The following FRAS1 variants were observed in gnomAD, a reference collection of about 807,000 sequenced individuals.
The protein encoded by FRAS1 is extracellular matrix organizing protein FRAS1.
A neutral mutation model predicts 435.2 loss-of-function variants in FRAS1; 290 were observed. That is an observed-to-expected ratio of 0.67 (90% confidence interval 0.61 to 0.73). The LOEUF is 0.73. FRAS1 is among the 30% of genes least tolerant of loss of function. FRAS1 has a pLI of 0.00. For synonymous variants in FRAS1, 1,800 were observed against 1,851.0 expected (o/e 0.97, Z 0.71); for missense variants, 4,860 against 5,001.5 (o/e 0.97, Z 0.85).
rs185695310 is a variant in FRAS1, at chr4:78,078,824, A to C, written c.108+12808A>C. On this transcript the variant is annotated intron_variant, in intron 2 of 73. Coordinates refer to ENST00000512123, the MANE Select transcript of FRAS1 (RefSeq NM_025074.7). ...TTAAGAAGAATTGTTGTTAATAACC[A>C]GGTAAAAACTAAATCAGTAATGGGA... Among the ~76,000 whole-genome samples the C allele has an allele frequency of 2.1e-3, 317 of 152,320 alleles. 1 individual carries two copies. The highest frequency in any genetic ancestry group is 0.01 in the East Asian group (53 of 5,192).
At chr4:78,507,364 C>A in intron 61 of FRAS1, 57 bp from the exon 62 acceptor site, 1 of 1,493,120 alleles carries the variant, frequency 6.7e-7, no homozygotes, top group South Asian at 1.3e-5. Context: ...GCTGCACTCT[C>A]TTGGGTGTGT....
At chr4:78,358,159 A>G (rs1246520209) in intron 20 of FRAS1, among the ~76,000 whole-genome samples, 1 of 144,620 alleles carries the variant, frequency 6.9e-6, no homozygotes, top group Non-Finnish European at 1.5e-5. Flanking sequence ...GCTGAAAATT[A>G]TAGGAGTATA....
At chr4:78,196,978 G>T (rs1479658213) in intron 2 of FRAS1, among the ~76,000 whole-genome samples, 1 of 152,210 alleles carries the variant, frequency 6.6e-6, no homozygotes, top group Non-Finnish European at 1.5e-5. Context: ...AGAGAGAGAA[G>T]TGGAGGGGAG....
Position 78,483,799 on chromosome 4 carries a change from A to ATATATATATATATATATATATAT in FRAS1, c.8752+1264_8752+1265insTATATATATATATATATATATAT, listed in dbSNP as rs1560753038. 2.4e-3 allele frequency among the ~76,000 whole-genome samples: 160 copies of ATATATATATATATATATATATAT among 67,332 alleles called. 15 individuals carry two copies. Among genetic ancestry groups the ATATATATATATATATATATATAT allele is most frequent in the Non-Finnish European group, 3.6e-3 (102 of 28,712 alleles). The allele number at this position is 67,332 out of a possible 152,430, so 44.2% of individuals were successfully genotyped here. A position where few individuals can be genotyped will look rare whatever the true frequency, so the allele number is the denominator to read the frequency against. ...CTCTCTCTCTATATATATATATATAAAATTATGTATGTGTGATACACACAC... is the reference window on the plus strand; with the variant it reads ...CTCTCTCTCTATATATATATATATAATATATATATATATATATATATATAATTATGTATGTGTGATACACACAC... On this transcript the variant is annotated intron_variant, in intron 58 of 73. Transcript: ENST00000512123.
At chr4:78,116,408 C>G (rs1354319881) in intron 2 of FRAS1, among the ~76,000 whole-genome samples, 2 of 152,160 alleles carry the variant, frequency 1.3e-5, no homozygotes, top group African/African-American at 4.8e-5. Flanking sequence ...TCTCGTTGAT[C>G]TGTCTAATGT....
intron 2 of FRAS1, chr4:78,181,252 T>A: frequency 6.2e-6 from 10 of 1,609,584 alleles, no homozygotes; most frequent in South Asian, 1.1e-5. Flanking sequence ...CCTCCTCTTT[T>A]ACCTCTTCAA....
intron 50 of FRAS1, among the ~76,000 whole-genome samples, chr4:78,467,951 T>C (rs2109848730): frequency 6.6e-6 from 1 of 152,342 alleles, no homozygotes; most frequent in Middle Eastern, 3.4e-3. Context: ...GTTGTTTAAG[T>C]TCCTAATATA....
chr4:78,362,001 C>T (rs866336003), intron 20 of FRAS1, among the ~76,000 whole-genome samples: 1 of 152,134 alleles, frequency 6.6e-6, no homozygotes, highest in African/African-American at 2.4e-5. Context: ...TTTTCACCTA[C>T]AAAGGAAGCT....
intron 2 of FRAS1, among the ~76,000 whole-genome samples, chr4:78,170,878 C>T (rs915733805): frequency 1.3e-5 from 2 of 152,024 alleles, no homozygotes; most frequent in African/African-American, 4.8e-5. Context: ...CCTTTGAATT[C>T]CTTTCTCAGG....
rs1172005472 is a variant in FRAS1, at chr4:78,057,951, C to A, written c.-59C>A. On this transcript the variant is annotated 5_prime_UTR_variant, in exon 1 of 74. Transcript: ENST00000512123. The surrounding 1 kb of genome is among the most constrained non-coding windows in gnomAD (Gnocchi z 4.2). ...CCAAGCGCCGGAGCCAGCGTTTTGG[C>A]GGAGCCGCTTCTTGGATGCTGAAGG... 5 of 1,546,256 alleles carry A rather than the reference C, an allele frequency of 3.2e-6. No homozygotes were observed. The highest frequency in any genetic ancestry group is 1.4e-5 in the African/African-American group (1 of 73,396).
intron 2 of FRAS1, among the ~76,000 whole-genome samples, chr4:78,200,482 G>A (rs1723003602): frequency 6.6e-6 from 1 of 152,188 alleles, no homozygotes; most frequent in South Asian, 2.1e-4. Context: ...AGTGAAGAAA[G>A]GATATGCTTC....
chr4:78,317,048 C>T (rs1271529556), intron 16 of FRAS1, among the ~76,000 whole-genome samples: 1 of 152,190 alleles, frequency 6.6e-6, no homozygotes, highest in African/African-American at 2.4e-5. Context: ...ACCTCAGTCT[C>T]CTCATCTATA....
intron 47 of FRAS1, among the ~76,000 whole-genome samples, chr4:78,456,985 C>A (rs1220871758): frequency 6.6e-6 from 1 of 152,210 alleles, no homozygotes; most frequent in Non-Finnish European, 1.5e-5. Context: ...GTGCTTCATT[C>A]AGAAGTTAGG....
chr4:78,421,226 C>T (rs1451451251), intron 33 of FRAS1, among the ~76,000 whole-genome samples: 2 of 152,268 alleles, frequency 1.3e-5, no homozygotes, highest in East Asian at 3.9e-4. Context: ...CAGCTCACTG[C>T]AACCTCCACC....
Position 78,267,304 on chromosome 4 carries a change from T to C in FRAS1, c.853T>C (p.Cys285Arg). Residue 285 changes from cysteine (C) to arginine (R), a missense_variant, in exon 9 of 74, where the codon TGC becomes CGC. Transcript: ENST00000512123. ...CEECVSPAGS[C>R]SYDGVVRYQD... ...GGAATGTGTGTCTCCTGCCGGGAGCTGCTCCTATGATGGAGTTGTGCGGTA... is the reference window on the plus strand; with the variant it reads ...GGAATGTGTGTCTCCTGCCGGGAGCCGCTCCTATGATGGAGTTGTGCGGTA... 1 of 1,613,854 alleles carries C rather than the reference T, an allele frequency of 6.2e-7. No homozygotes were observed. The highest frequency in any genetic ancestry group is 8.5e-7 in the Non-Finnish European group (1 of 1,179,860).
intron 13 of FRAS1, among the ~76,000 whole-genome samples, chr4:78,285,871 C>T (rs1280908664): frequency 6.6e-6 from 1 of 152,138 alleles, no homozygotes; most frequent in African/African-American, 2.4e-5. Context: ...TAAGAGTTAG[C>T]TGCTTTTATT....
At position 78,419,048 on chromosome 4, in the gene FRAS1, C is replaced by A; in HGVS notation, c.4525C>A (p.Leu1509Met). The A allele has an allele frequency of 6.4e-7, 1 of 1,564,118 alleles. No individual in the cohort carries two copies. Among genetic ancestry groups the A allele is most frequent in the Non-Finnish European group, 8.6e-7 (1 of 1,156,074 alleles). Residue 1509 changes from leucine to methionine, a missense_variant, in exon 33 of 74, where the codon CTG (leucine) becomes ATG (methionine). By Grantham distance (15) the Leu-to-Met change is conservative. Transcript: ENST00000512123. Reference sequence around the variant, plus strand: ...GATTGTCTACAACATCACTCTACCTCTGCATCCAAATCAAGGTAAGATGTG... The same window carrying A: ...GATTGTCTACAACATCACTCTACCTATGCATCCAAATCAAGGTAAGATGTG... ...GKIVYNITLPLHPNQGIIEHR... is the reference protein window; with the variant it reads ...GKIVYNITLPMHPNQGIIEHR...
intron 44 of FRAS1, among the ~76,000 whole-genome samples, chr4:78,449,349 T>C (rs1718949165): frequency 6.6e-6 from 1 of 152,160 alleles, no homozygotes. Context: ...CTTATTTTTG[T>C]CTGAGAGGAA....
Position 78,430,354 on chromosome 4 carries a change from A to G in FRAS1, c.4906A>G (p.Arg1636Gly). ...APKELFFELR[R>G]PPQHGVLLKH... ...CAAAGAACTCTTCTTTGAGCTTCGG[A>G]GACCTCCACAGCATGGTGTGCTTCT... is the stretch of plus-strand genomic sequence containing the variant. Residue 1636 changes from arginine (R) to glycine (G), a missense_variant, in exon 37 of 74, where the codon AGA becomes GGA. Arg to Gly is a moderately radical substitution (Grantham distance 125). Transcript: ENST00000512123. 1 of 1,613,938 alleles carries G rather than the reference A, an allele frequency of 6.2e-7. No individual in the cohort carries two copies. Among genetic ancestry groups the G allele is most frequent in the Non-Finnish European group, 8.5e-7 (1 of 1,179,870 alleles).
Sources: gnomAD v4.1 joint callset for allele counts (sites outside exome capture counted in the v4.1 genomes callset) on GRCh38, gnomAD v4.1.1 for gene constraint, Gnocchi (gnomAD v3.1) non-coding constraint, MANE v1.5 for transcripts, NCBI Gene and HGNC (gene_info 2026-07-23, HGNC 2026-07-21) for gene names.